Variants in DLG1 observed in about 807,000 individuals in gnomAD.
DLG1 encodes the protein disks large homolog 1.
In DLG1, 42 loss-of-function variants were observed where a neutral mutation model predicts 123.4. The ratio of observed to expected loss-of-function variants is 0.34; its 90% CI spans 0.27 to 0.44. The LOEUF is 0.44. Ranked by LOEUF, DLG1 falls within the 20% of genes least tolerant of loss-of-function variation. The pLI, the probability that DLG1 is intolerant of heterozygous loss-of-function variation, is 1.00. For synonymous variants in DLG1, 317 were observed against 356.2 expected (o/e 0.89, Z 1.24); for missense variants, 942 against 1,082.6 (o/e 0.87, Z 1.82).
intron 4 of DLG1, among the ~76,000 whole-genome samples, chr3:197,244,748 T>C (rs1313423590): frequency 1.3e-5 from 2 of 152,026 alleles, no homozygotes; most frequent in African/African-American, 4.8e-5. Flanking sequence ...AAGCACGAGA[T>C]AGGGTCCTTC....
At chr3:197,119,263 C>A in intron 12 of DLG1, 147 bp downstream of exon 12, 1 of 410,018 alleles carries the variant, frequency 2.4e-6, no homozygotes, top group Non-Finnish European at 4.2e-6. Context: ...TTCAATGAAT[C>A]CTCCTATGGA....
intron 4 of DLG1, among the ~76,000 whole-genome samples, chr3:197,218,729 T>G (rs1437588880): frequency 6.6e-6 from 1 of 152,230 alleles, no homozygotes; most frequent in African/African-American, 2.4e-5. Context: ...ATGTAAATTA[T>G]GACTAGGTTC....
At chr3:197,090,827 C>A in intron 15 of DLG1, 85 bp downstream of exon 15, 3 of 771,952 alleles carry the variant, frequency 3.9e-6, no homozygotes, top group South Asian at 2.3e-5. Context: ...TACGGTAAAA[C>A]TAAGTAAGTT....
At chr3:197,254,359 A>C (rs924442104) in intron 4 of DLG1, among the ~76,000 whole-genome samples, 2 of 152,222 alleles carry the variant, frequency 1.3e-5, no homozygotes, top group Admixed American at 1.3e-4. Context: ...GACAGCTGAA[A>C]ACAGAAGCCA....
chr3:197,140,257 G>C lies in DLG1; in HGVS notation c.596C>G (p.Ser199Ter). 1 of 1,612,344 alleles carries C rather than the reference G, an allele frequency of 6.2e-7. No individual in the cohort carries two copies. Residue 199 changes from serine to a stop codon, truncating the protein, a stop_gained, in exon 8 of 25, where the codon TCA (serine) becomes TGA (stop). Coordinates refer to ENST00000667157, the MANE Select transcript of DLG1 (RefSeq NM_001366207.1). LOFTEE classifies it high-confidence loss of function. ...YEEITLERGN[S>*]GLGFSIAGGT... is the part of the protein sequence containing the mutation. ...TCCTGCAATGCTGAAACCAAGCCCT[G>C]AATTTCCCTGAGGATAGAAGAAAAA... is the stretch of plus-strand genomic sequence containing the variant.
chr3:197,101,050 C>T (rs546541488), intron 14 of DLG1, among the ~76,000 whole-genome samples: 2 of 152,256 alleles, frequency 1.3e-5, no homozygotes, highest in East Asian at 1.9e-4. Context: ...AGTATTTCTT[C>T]TGTTGCCTCT....
intron 12 of DLG1, 126 bp downstream of exon 12, chr3:197,119,284 C>T (rs1774998240): frequency 3.1e-6 from 2 of 646,746 alleles, no homozygotes; most frequent in Non-Finnish European, 4.7e-6. Context: ...AAAAAATTAA[C>T]CTTTAAGCTC....
At position 197,085,637 on chromosome 3, in the gene DLG1, C is replaced by T; in HGVS notation, c.1781G>A (p.Arg594Lys). The T allele has an allele frequency of 1.9e-6, 3 of 1,614,022 alleles. No individual in the cohort carries two copies. Among genetic ancestry groups the T allele is most frequent in the Admixed American group, 1.7e-5 (1 of 60,010 alleles). The change falls in exon 16 of 25, where the codon AGG becomes AAG. Residue 594 changes from arginine to lysine, a missense_variant. Arg to Lys is a conservative substitution (Grantham distance 26, BLOSUM62 2). Coordinates refer to ENST00000667157, the MANE Select transcript of DLG1 (RefSeq NM_001366207.1). ...NASDDEWWQA[R>K]QVTPDGESDE... is the part of the protein sequence containing the mutation. Reference sequence around the variant, plus strand: ...GCTCTCACCATCTGGTGTAACCTGCCTGGCTTGCCACCATTCATCATCAGA... The same window carrying T: ...GCTCTCACCATCTGGTGTAACCTGCTTGGCTTGCCACCATTCATCATCAGA...
chr3:197,237,152 G>A (rs1037836513), intron 4 of DLG1, among the ~76,000 whole-genome samples: 1 of 152,160 alleles, frequency 6.6e-6, no homozygotes, highest in Admixed American at 6.5e-5. Flanking sequence ...AATTGAAAGA[G>A]AGCGTAGACA....
Position 197,208,507 on chromosome 3 carries a change from C to G in DLG1, c.319-13918G>C, listed in dbSNP as rs144996819. On this transcript the variant is annotated intron_variant, in intron 4 of 24. Coordinates refer to ENST00000667157, the MANE Select transcript of DLG1 (RefSeq NM_001366207.1). Reference sequence around the variant, plus strand: ...AACAAATAATTAAAAACATCCATCACTATATCCAGTAACAATGAACTTGTC... The same window carrying G: ...AACAAATAATTAAAAACATCCATCAGTATATCCAGTAACAATGAACTTGTC... 7.3e-3 allele frequency among the ~76,000 whole-genome samples: 1,071 copies of G among 146,816 alleles called. 135 individuals are homozygous for G. The highest frequency in any genetic ancestry group is 7.9e-3 in the Non-Finnish European group (517 of 65,356).
intron 14 of DLG1, among the ~76,000 whole-genome samples, chr3:197,102,516 C>T (rs1179918507): frequency 6.6e-6 from 1 of 152,170 alleles, no homozygotes; most frequent in African/African-American, 2.4e-5. Context: ...TGTAGCTAAC[C>T]TGTTACTAAG....
At position 197,110,515 on chromosome 3, in the gene DLG1, T is replaced by C. The variant is rs546850626; in HGVS notation, c.1443+5412A>G. Among the ~76,000 whole-genome samples, 7 of 152,350 alleles carry C rather than the reference T, an allele frequency of 4.6e-5. No homozygotes were observed. In the East Asian group the frequency reaches 1.2e-3, roughly 25 times the overall value. ...AATGTCTGACCTTCCCTAGGAACGATATCCATTGATTGCGTTTTTCTCCTG... is the reference window on the plus strand; with the variant it reads ...AATGTCTGACCTTCCCTAGGAACGACATCCATTGATTGCGTTTTTCTCCTG... On this transcript the variant is annotated intron_variant, in intron 13 of 24. Coordinates refer to ENST00000667157, the MANE Select transcript of DLG1 (RefSeq NM_001366207.1).
chr3:197,136,412 T>C, intron 10 of DLG1, 130 bp downstream of exon 10: 5 of 648,862 alleles, frequency 7.7e-6, no homozygotes, highest in South Asian at 2.3e-5. Flanking sequence ...TAGGATTTGA[T>C]ACAGCAAGGC....
chr3:197,113,074 G>T (rs1372393784), intron 13 of DLG1, among the ~76,000 whole-genome samples: 4 of 152,148 alleles, frequency 2.6e-5, no homozygotes, highest in African/African-American at 9.7e-5. Context: ...TATGTCTGGA[G>T]TAAGACTGGT....
At chr3:197,118,855 C>A (rs1010223600) in intron 12 of DLG1, among the ~76,000 whole-genome samples, 1 of 152,090 alleles carries the variant, frequency 6.6e-6, no homozygotes, top group African/African-American at 2.4e-5. Flanking sequence ...AACCCACCCA[C>A]CAGCCAGGCA....
At chr3:197,118,765 T>C (rs568737799) in intron 12 of DLG1, among the ~76,000 whole-genome samples, 2 of 152,342 alleles carry the variant, frequency 1.3e-5, no homozygotes, top group Admixed American at 6.5e-5. Flanking sequence ...AGTTAATCTA[T>C]ACATTTCAGT....
intron 22 of DLG1, among the ~76,000 whole-genome samples, chr3:197,062,034 C>A (rs1053773907): frequency 2.0e-5 from 3 of 152,154 alleles, no homozygotes; most frequent in Non-Finnish European, 2.9e-5. Flanking sequence ...ATTTCTTCTA[C>A]CTTGATTAGT....
chr3:197,274,250 C>G (rs912099986), intron 4 of DLG1, among the ~76,000 whole-genome samples: 8 of 152,128 alleles, frequency 5.3e-5, no homozygotes, highest in African/African-American at 1.9e-4. Context: ...AAAACACACA[C>G]AGACCAACGG....
At chr3:197,295,315 T>C (rs1776883918) in intron 3 of DLG1, among the ~76,000 whole-genome samples, 1 of 152,206 alleles carries the variant, frequency 6.6e-6, no homozygotes, top group Admixed American at 6.5e-5. Context: ...ATAATGTACC[T>C]GACAGGACAC....
Sources: allele counts gnomAD v4.1 joint callset (sites outside exome capture counted in the v4.1 genomes callset), GRCh38; gene constraint gnomAD v4.1.1; transcripts MANE v1.5; gene names NCBI Gene and HGNC (gene_info 2026-07-23, HGNC 2026-07-21).